Variants in PIK3R3 observed in about 807,000 individuals in gnomAD.
PIK3R3 encodes the protein phosphoinositide-3-kinase regulatory subunit 3, also known as phosphatidylinositol 3-kinase regulatory subunit gamma.
A neutral mutation model predicts 62.9 loss-of-function variants in PIK3R3; 64 were observed. That is an observed-to-expected ratio of 1.02 (90% CI 0.83 to 1.25). PIK3R3 has a LOEUF of 1.25. Ranked by LOEUF, PIK3R3 falls within the 50% of genes most tolerant of loss-of-function variation. PIK3R3 has a pLI of 0.00. For missense variants in PIK3R3, 614 were observed against 561.6 expected (o/e 1.09, Z -0.94); for synonymous variants, 165 against 189.0 (o/e 0.87, Z 1.04).
At chr1:46,112,679 T>C (rs1174381960) in intron 1 of PIK3R3, among the ~76,000 whole-genome samples, 1 of 152,142 alleles carries the variant, frequency 6.6e-6, no homozygotes, top group Non-Finnish European at 1.5e-5. Flanking sequence ...CACTGTGATC[T>C]CTCCCCCACC....
chr1:46,086,091 C>A (rs1485338112), intron 1 of PIK3R3, among the ~76,000 whole-genome samples: 1 of 151,964 alleles, frequency 6.6e-6, no homozygotes. Context: ...ATTTTCAATT[C>A]CGTTTTAATT....
At chr1:46,103,302 G>A (rs1652886054) in intron 1 of PIK3R3, among the ~76,000 whole-genome samples, 1 of 152,136 alleles carries the variant, frequency 6.6e-6, no homozygotes, top group African/African-American at 2.4e-5. Flanking sequence ...TGATGGGCCA[G>A]GCACGGTGAC....
chr1:46,169,376 T>C, the PIK3R3 span, among the ~76,000 whole-genome samples: 1 of 152,144 alleles, frequency 6.6e-6, no homozygotes, highest in Non-Finnish European at 1.5e-5. Flanking sequence ...CATTGACACA[T>C]TTAGGATGTC....
the PIK3R3 span, chr1:46,138,997 C>G: frequency 1.3e-5 from 2 of 152,250 alleles, no homozygotes; most frequent in South Asian, 4.1e-4. Context: ...GTGTGAAATT[C>G]TAAATTATGT....
chr1:46,102,765 T>C (rs955021257), intron 1 of PIK3R3, among the ~76,000 whole-genome samples: 10 of 121,012 alleles, frequency 8.3e-5, no homozygotes, highest in African/African-American at 3.2e-4. Flanking sequence ...TAAAATACCA[T>C]ATGATCCAGC....
the PIK3R3 span, among the ~76,000 whole-genome samples, chr1:46,173,014 A>G: frequency 6.6e-6 from 1 of 152,136 alleles, no homozygotes; most frequent in African/African-American, 2.4e-5. Flanking sequence ...AAAAGAAAAA[A>G]GAAACAAACA....
chr1:46,054,844 ACTC>A (rs371995113), intron 7 of PIK3R3, among the ~76,000 whole-genome samples: 267 of 152,288 alleles, frequency 1.8e-3, no homozygotes, highest in Middle Eastern at 6.8e-3. Flanking sequence ...AGGTTTCACT[ACTC>A]AAATTACCTC....
chr1:46,090,877 C>G (rs1159046829), intron 1 of PIK3R3, among the ~76,000 whole-genome samples: 1 of 152,170 alleles, frequency 6.6e-6, no homozygotes, highest in Non-Finnish European at 1.5e-5. Flanking sequence ...AGTATTTATA[C>G]TTTGGAAATC....
intron 6 of PIK3R3, chr1:46,056,963 T>C (rs750626898): frequency 6.6e-6 from 1 of 152,260 alleles, no homozygotes; most frequent in Non-Finnish European, 1.5e-5. Context: ...AACTTCTCAG[T>C]GCCTTCATTT....
chr1:46,045,848 T>C, intron 9 of PIK3R3, 70 bp downstream of exon 9: 1 of 1,351,322 alleles, frequency 7.4e-7, no homozygotes, highest in Non-Finnish European at 1.1e-6. Flanking sequence ...ATCTGAATTT[T>C]ATGAGGGGTT....
chr1:46,139,926 C>G, the PIK3R3 span, among the ~76,000 whole-genome samples: 1 of 152,182 alleles, frequency 6.6e-6, no homozygotes, highest in East Asian at 1.9e-4. Flanking sequence ...CTGAGTTTCC[C>G]AGGACCCTGC....
intron 1 of PIK3R3, among the ~76,000 whole-genome samples, chr1:46,093,621 G>A (rs529514533): frequency 6.6e-6 from 1 of 152,056 alleles, no homozygotes; most frequent in Non-Finnish European, 1.5e-5. Flanking sequence ...CAAGTGTGGT[G>A]GCTCATGCAT....
At chr1:46,124,315 T>C in intron 1 of PIK3R3, among the ~76,000 whole-genome samples, 1 of 152,166 alleles carries the variant, frequency 6.6e-6, no homozygotes, top group South Asian at 2.1e-4. Flanking sequence ...AAAGCTAGTT[T>C]TGTAATCTAT....
rs941667474 is a variant in PIK3R3 at position 46,041,646 on chromosome 1, G to A, written c.*2027C>T. On this transcript the variant is annotated 3_prime_UTR_variant, in exon 10 of 10. Coordinates refer to ENST00000262741, the MANE Select transcript of PIK3R3 (RefSeq NM_003629.4). ...CCTGCTTCAGCAGGTTCAACACCAG[G>A]TGCAAAGCCATCCAGGTGTGCCCAA... 9.7e-5 allele frequency: 18 copies of A among 185,970 alleles called. No individual in the cohort carries two copies. Among genetic ancestry groups the A allele is most frequent in the African/African-American group, 4.0e-4 (17 of 42,590 alleles). 11.5% of individuals were successfully genotyped at this position (185,970 alleles called of 1,614,324 possible).
intron 6 of PIK3R3, among the ~76,000 whole-genome samples, chr1:46,058,660 G>GTA (rs773983191): frequency 6.6e-6 from 1 of 152,230 alleles, no homozygotes; most frequent in Non-Finnish European, 1.5e-5. Context: ...CATGGACCCT[G>GTA]TAGCCCCTTT....
chr1:46,104,808 T>A, intron 1 of PIK3R3: 1 of 375,316 alleles, frequency 2.7e-6, no homozygotes, highest in Non-Finnish European at 4.9e-6. Context: ...GGCAAGCGCC[T>A]GTAATCCCAG....
At chr1:46,096,657 G>A (rs1474432874) in intron 1 of PIK3R3, among the ~76,000 whole-genome samples, 1 of 152,086 alleles carries the variant, frequency 6.6e-6, no homozygotes, top group Non-Finnish European at 1.5e-5. Context: ...CCAACACTTA[G>A]GGAGACGGGC....
intron 2 of PIK3R3, among the ~76,000 whole-genome samples, chr1:46,079,289 A>G (rs538390774): frequency 6.6e-6 from 1 of 152,338 alleles, no homozygotes; most frequent in African/African-American, 2.4e-5. Context: ...AAATTTAGTA[A>G]GAAAATACAA....
intron 1 of PIK3R3, among the ~76,000 whole-genome samples, chr1:46,116,701 AT>A (rs1371252729): frequency 6.6e-6 from 1 of 151,948 alleles, no homozygotes; most frequent in Non-Finnish European, 1.5e-5. Context: ...TAAATAAATA[AT>A]AAAAATAACA....
Sources: allele counts gnomAD v4.1 joint callset (sites outside exome capture counted in the v4.1 genomes callset), GRCh38; gene constraint gnomAD v4.1.1; transcripts MANE v1.5; gene names NCBI Gene and HGNC (gene_info 2026-07-23, HGNC 2026-07-21).